LARGE1: variants seen among roughly 807,000 people sequenced by gnomAD.
LARGE1 encodes the protein xylosyl- and glucuronyltransferase LARGE1.
Under a neutral mutation model 87.6 loss-of-function variants are expected in LARGE1, and 43 were observed. The observed-to-expected ratio is 0.49, with a 90% CI of 0.38 to 0.63. The LOEUF is 0.63. LARGE1 is among the 30% of genes least tolerant of loss of function. The pLI is 0.00. For synonymous variants in LARGE1, 434 were observed against 394.6 expected, an observed-to-expected ratio of 1.10 and a Z score of -1.18; for missense variants, 802 against 1,000.2, an observed-to-expected ratio of 0.80 and a Z score of 2.67.
At chr22:33,701,169 A>G (rs2082395564) in intron 2 of LARGE1, among the ~76,000 whole-genome samples, 1 of 152,156 alleles carries the variant, frequency 6.6e-6, no homozygotes. Context: ...TGCTACAGGG[A>G]GAGTACCTGA....
intron 1 of LARGE1, among the ~76,000 whole-genome samples, chr22:33,798,784 C>T (rs1468468054): frequency 6.6e-6 from 1 of 152,202 alleles, no homozygotes; most frequent in Non-Finnish European, 1.5e-5. Context: ...ACACAGGCTG[C>T]AAATGCAGAC....
In LARGE1 at chr22:33,274,569, G is replaced by A; in HGVS notation, c.2129C>T (p.Pro710Leu). Residue 710 changes from proline (P) to leucine (L), a missense_variant, in exon 15 of 15, where the codon CCC becomes CTC. This residue lies in a region of LARGE1 where 625 missense variants were observed against 841.9 expected (regional missense o/e 0.74). Coordinates refer to ENST00000397394, the MANE Select transcript of LARGE1 (RefSeq NM_133642.5). ...NAYMIHMPHA[P>L]SFDITKFRSN... ...ACGGAACTTGGTAATGTCGAAGCTGGGGGCATGAGGCATGTGGATCATGTA... is the reference window on the plus strand; with the variant it reads ...ACGGAACTTGGTAATGTCGAAGCTGAGGGCATGAGGCATGTGGATCATGTA... 1 of 1,614,184 alleles carries A rather than the reference G, an allele frequency of 6.2e-7. No individual in the cohort carries two copies.
the LARGE1 span, chr22:33,108,754 C>G: frequency 6.6e-6 from 1 of 152,064 alleles, no homozygotes; most frequent in East Asian, 1.9e-4. Context: ...AGCAATTATA[C>G]TACTGTTGCT....
chr22:33,691,134 T>C (rs761076540), intron 2 of LARGE1, among the ~76,000 whole-genome samples: 12 of 152,222 alleles, frequency 7.9e-5, no homozygotes, highest in Middle Eastern at 3.4e-3. Flanking sequence ...ATGGATGTCA[T>C]TGAAAGAAAT....
At chr22:33,161,853 C>A (rs1004708624), downstream of LARGE1, among the ~76,000 whole-genome samples, 2 of 152,182 alleles carry the variant, frequency 1.3e-5, no homozygotes, top group Non-Finnish European at 2.9e-5. Context: ...GGATGAGGAT[C>A]TCTAGGGGAG....
At chr22:33,365,852 G>C (rs1341750025) in intron 9 of LARGE1, among the ~76,000 whole-genome samples, 1 of 152,202 alleles carries the variant, frequency 6.6e-6, no homozygotes, top group Non-Finnish European at 1.5e-5. Context: ...CTGAGCTCAA[G>C]TGAGGCACCT....
chr22:33,460,150 G>A lies in LARGE1; in HGVS notation c.788-27885C>T, dbSNP rs78008828. ...ATGAGAGGAAATGTTTTAAAAAGGC[G>A]AAATGCAATTTCCTCCTCTATAAAG... On this transcript the variant is annotated intron_variant, in intron 6 of 14. Coordinates refer to ENST00000397394, the MANE Select transcript of LARGE1 (RefSeq NM_133642.5). Among the ~76,000 whole-genome samples the A allele has an allele frequency of 4.6e-3, 697 of 152,334 alleles. 6 individuals carry two copies. The highest frequency in any genetic ancestry group is 0.016 in the African/African-American group (655 of 41,556).
Position 33,277,231 on chromosome 22 carries a change from G to T in LARGE1, c.1902C>A (p.His634Gln). 1.2e-6 allele frequency: 2 copies of T among 1,614,234 alleles called. No homozygotes were observed. The highest frequency in any genetic ancestry group is 8.5e-7 in the Non-Finnish European group (1 of 1,180,038). Residue 634 changes from histidine (H) to glutamine (Q), a missense_variant, in exon 14 of 15, where the codon CAC becomes CAA. This residue lies in a region of LARGE1 where 625 missense variants were observed against 841.9 expected (regional missense o/e 0.74). Transcript: ENST00000397394. ...GCCACTTGGCGAAGTTTGTGGGTGC[G>T]TGGCCTTTCGTCCAGACGTGGTACC... Reference protein sequence around the residue: ...TFRYHVWTKGHAPTNFAKWRT... With the variant: ...TFRYHVWTKGQAPTNFAKWRT...
intron 11 of LARGE1, among the ~76,000 whole-genome samples, chr22:33,231,323 T>C (rs1925995598): frequency 6.6e-6 from 1 of 152,226 alleles, no homozygotes; most frequent in Non-Finnish European, 1.5e-5. Context: ...GTTCCTGAGT[T>C]GTAATTCTGA....
intron 2 of LARGE1, among the ~76,000 whole-genome samples, chr22:33,706,968 T>C (rs545134064): frequency 6.6e-6 from 1 of 152,256 alleles, no homozygotes; most frequent in Admixed American, 6.5e-5. Flanking sequence ...AAGTGTATGG[T>C]GATTTGATAT....
intron 3 of LARGE1, among the ~76,000 whole-genome samples, chr22:33,632,545 G>T (rs1452476127): frequency 4.6e-5 from 1 of 21,852 alleles, no homozygotes; most frequent in African/African-American, 2.1e-4. Flanking sequence ...CTCCTGTCAG[G>T]GGCCCAATCA....
chr22:33,071,071 C>T, the LARGE1 span, among the ~76,000 whole-genome samples: 60,836 of 151,932 alleles, frequency 0.4, 12,629 homozygotes, highest in African/African-American at 0.5. Flanking sequence ...AAGTAGTGAA[C>T]GCTACCTCCT....
the LARGE1 span, chr22:33,108,633 C>T: frequency 6.6e-6 from 1 of 152,094 alleles, no homozygotes; most frequent in Non-Finnish European, 1.5e-5. Context: ...CCTGTAAGTA[C>T]ATCAACTCTA....
At chr22:33,409,860 C>CAAAA (rs35645500) in intron 7 of LARGE1, among the ~76,000 whole-genome samples, 97 of 63,114 alleles carry the variant, frequency 1.5e-3, no homozygotes, top group African/African-American at 5.6e-3. Context: ...GACTCCATCT[C>CAAAA]AAAAAAAAAA....
At chr22:33,423,354 C>A (rs2066761540) in intron 7 of LARGE1, among the ~76,000 whole-genome samples, 1 of 151,664 alleles carries the variant, frequency 6.6e-6, no homozygotes, top group Non-Finnish European at 1.5e-5. Context: ...ATATTAAAGC[C>A]AGGGCACTAT....
rs776701293 is a variant in LARGE1, at chr22:33,384,255, C to T, written c.942G>A (p.Gln314=). The change falls in exon 8 of 15, where the codon CAG becomes CAA. Residue 314 remains glutamine (Q), a synonymous_variant. Transcript: ENST00000397394. ...LDKLRKMKWE[Q]MWRLTAEREL... Reference sequence around the variant, plus strand: ...CCCTCTCTGCGGTCAGCCTCCACATCTGCTCCCATTTCATCTTCCGCAGCT... The same window carrying T: ...CCCTCTCTGCGGTCAGCCTCCACATTTGCTCCCATTTCATCTTCCGCAGCT... 2 of 1,614,206 alleles carry T rather than the reference C, an allele frequency of 1.2e-6. No individual in the cohort carries two copies. The highest frequency in any genetic ancestry group is 3.3e-5 in the Admixed American group (2 of 60,026).
chr22:33,284,653 C>T (rs1334488126), intron 12 of LARGE1, among the ~76,000 whole-genome samples: 2 of 152,056 alleles, frequency 1.3e-5, no homozygotes, highest in South Asian at 4.2e-4. Flanking sequence ...TCTTGGCTCA[C>T]GGCAACCTCA....
chr22:33,829,668 A>G (rs2062908972), intron 1 of LARGE1, among the ~76,000 whole-genome samples: 1 of 151,712 alleles, frequency 6.6e-6, no homozygotes, highest in Non-Finnish European at 1.5e-5. Flanking sequence ...GACTACTAAA[A>G]CCCCTCCTCC....
At chr22:33,432,090 C>G in intron 7 of LARGE1, 71 bp downstream of exon 7, 1 of 1,258,006 alleles carries the variant, frequency 7.9e-7, no homozygotes. Flanking sequence ...GCAATCTCCT[C>G]TCCTGCGGAA....
Sources: allele counts gnomAD v4.1 joint callset (sites outside exome capture counted in the v4.1 genomes callset), GRCh38; gene constraint gnomAD v4.1.1; regional missense constraint gnomAD v4.1.1; transcripts MANE v1.5; gene names NCBI Gene and HGNC (gene_info 2026-07-23, HGNC 2026-07-21).